The following TMEM272 variants were observed in gnomAD, a reference collection of about 807,000 sequenced individuals.
TMEM272 encodes the protein transmembrane protein 272, also known as long intergenic non-protein coding RNA 282.
Under a neutral mutation model 3.7 loss-of-function variants are expected in TMEM272, and 8 were observed. That is an observed-to-expected ratio of 2.17 (90% CI 1.27 to 3.91). The LOEUF is 3.91. Among genes scored for constraint, TMEM272 ranks in the 30% most tolerant of loss-of-function variants. The pLI, the probability that TMEM272 is intolerant of heterozygous loss-of-function variation, is 0.00. For missense variants in TMEM272, 166 were observed against 91.5 expected (o/e 1.81, Z -3.32); for synonymous variants, 63 against 39.8 (o/e 1.58, Z -2.20).
upstream of TMEM272, among the ~76,000 whole-genome samples, chr13:51,848,854 G>C (rs1208904207): frequency 6.6e-6 from 1 of 152,078 alleles, no homozygotes; most frequent in South Asian, 2.1e-4. Flanking sequence ...CTTTGCTTGT[G>C]TGTTATTCCC....
the TMEM272 span, among the ~76,000 whole-genome samples, chr13:51,883,511 T>C: frequency 1.3e-5 from 2 of 152,174 alleles, no homozygotes; most frequent in African/African-American, 4.8e-5. Flanking sequence ...AGGCTGAGTC[T>C]GGGGTTTTTA....
chr13:51,851,621 T>C, the TMEM272 span, among the ~76,000 whole-genome samples: 4,686 of 148,254 alleles, frequency 0.032, 107 homozygotes, highest in Admixed American at 0.081. Context: ...ACCTCCTGGG[T>C]TCAAGCAATT....
intron 3 of TMEM272, among the ~76,000 whole-genome samples, chr13:51,824,681 G>A (rs1956108163): frequency 1.3e-5 from 2 of 152,178 alleles, no homozygotes; most frequent in Admixed American, 1.3e-4. Context: ...GGCTGGGCGC[G>A]GTGGCTCATG....
the TMEM272 span, among the ~76,000 whole-genome samples, chr13:51,882,463 T>C: frequency 6.6e-6 from 1 of 152,182 alleles, no homozygotes; most frequent in East Asian, 1.9e-4. Context: ...TAAATTAGCG[T>C]CCTAAGAATT....
chr13:51,875,992 C>T, the TMEM272 span, among the ~76,000 whole-genome samples: 4 of 152,234 alleles, frequency 2.6e-5, no homozygotes, highest in Non-Finnish European at 5.9e-5. Flanking sequence ...CCCTCTCTGC[C>T]TCTGGTCTGC....
the TMEM272 span, among the ~76,000 whole-genome samples, chr13:51,854,435 A>G: frequency 6.6e-6 from 1 of 152,348 alleles, no homozygotes; most frequent in South Asian, 2.1e-4. Flanking sequence ...TCTTCATGCC[A>G]TGCAACCATT....
chr13:51,895,012 G>A, the TMEM272 span, among the ~76,000 whole-genome samples: 1 of 152,062 alleles, frequency 6.6e-6, no homozygotes, highest in Non-Finnish European at 1.5e-5. Flanking sequence ...TAGGGTTCAT[G>A]CTCCTATGAG....
chr13:51,918,148 T>C, the TMEM272 span, among the ~76,000 whole-genome samples: 1 of 152,242 alleles, frequency 6.6e-6, no homozygotes, highest in Non-Finnish European at 1.5e-5. Context: ...AAATAATGAT[T>C]GGCATTTCTT....
chr13:51,893,847 A>G, the TMEM272 span, among the ~76,000 whole-genome samples: 1 of 152,204 alleles, frequency 6.6e-6, no homozygotes, highest in Admixed American at 6.5e-5. Flanking sequence ...AAAGCTTGTC[A>G]TCTTGTTGTG....
chr13:51,860,720 CAT>C, the TMEM272 span, among the ~76,000 whole-genome samples: 44 of 69,244 alleles, frequency 6.4e-4, no homozygotes, highest in Middle Eastern at 5.8e-3. Context: ...TGTGTGCATA[CAT>C]ATATATATGT....
the TMEM272 span, among the ~76,000 whole-genome samples, chr13:51,907,372 G>A: frequency 6.6e-6 from 1 of 152,092 alleles, no homozygotes; most frequent in African/African-American, 2.4e-5. Flanking sequence ...TAAACAACTT[G>A]CCCTTGAGCG....
chr13:51,896,496 A>G, the TMEM272 span, among the ~76,000 whole-genome samples: 1 of 152,220 alleles, frequency 6.6e-6, no homozygotes. Flanking sequence ...TAAAATGCTC[A>G]GGGCAGGTCC....
chr13:51,865,286 CT>C, the TMEM272 span: 4 of 1,028,742 alleles, frequency 3.9e-6, no homozygotes, highest in African/African-American at 1.6e-5. Context: ...GGGCCGTCCC[CT>C]GGCATGTGAT....
At chr13:51,871,018 C>A in the TMEM272 span, among the ~76,000 whole-genome samples, 1 of 151,918 alleles carries the variant, frequency 6.6e-6, no homozygotes, top group African/African-American at 2.4e-5. Context: ...TGTGTTGAGA[C>A]CTTCCTCCTC....
intron 4 of TMEM272, 35 bp from the exon 5 acceptor site, chr13:51,817,148 G>T: frequency 2.9e-6 from 2 of 687,486 alleles, no homozygotes; most frequent in South Asian, 3.0e-5. Flanking sequence ...TGGCAAGGCA[G>T]AGCAGCAAAA....
chr13:51,853,569 C>A, the TMEM272 span, among the ~76,000 whole-genome samples: 4 of 152,038 alleles, frequency 2.6e-5, no homozygotes, highest in Non-Finnish European at 5.9e-5. Context: ...GTGACAGAGG[C>A]CAAAGAAAAT....
the TMEM272 span, among the ~76,000 whole-genome samples, chr13:51,911,736 G>A: frequency 6.6e-6 from 1 of 152,152 alleles, no homozygotes; most frequent in Non-Finnish European, 1.5e-5. Context: ...CTGACAGTGG[G>A]TGTTCACATT....
At chr13:51,874,833 C>T in the TMEM272 span, among the ~76,000 whole-genome samples, 2 of 152,206 alleles carry the variant, frequency 1.3e-5, no homozygotes, top group African/African-American at 4.8e-5. Flanking sequence ...TTTATGGCTG[C>T]GCTGTCTGTG....
chr13:51,922,957 C>G, the TMEM272 span, among the ~76,000 whole-genome samples: 1 of 152,224 alleles, frequency 6.6e-6, no homozygotes, highest in African/African-American at 2.4e-5. Context: ...TGTCAAGACC[C>G]TTAATCACAT....
Sources: gnomAD v4.1 joint callset for allele counts (sites outside exome capture counted in the v4.1 genomes callset) on GRCh38, gnomAD v4.1.1 for gene constraint, MANE v1.5 for transcripts, NCBI Gene and HGNC (gene_info 2026-07-23, HGNC 2026-07-21) for gene names.